The following FHIT variants were observed in gnomAD, a reference collection of about 807,000 sequenced individuals.
FHIT encodes bis(5'-adenosyl)-triphosphatase.
Under a neutral mutation model 17.9 loss-of-function variants are expected in FHIT, and 19 were observed. The observed-to-expected ratio is 1.06, with a 90% CI of 0.74 to 1.56. The LOEUF is 1.56. Ranked by LOEUF, FHIT falls within the 40% of genes most tolerant of loss-of-function variation. The pLI is 0.00. For synonymous variants in FHIT, 81 were observed against 69.7 expected (o/e 1.16, Z -0.81); for missense variants, 248 against 189.2 (o/e 1.31, Z -1.82).
At chr3:59,933,298 T>C (rs1224630166) in intron 7 of FHIT, among the ~76,000 whole-genome samples, 4 of 152,164 alleles carry the variant, frequency 2.6e-5, no homozygotes, top group Non-Finnish European at 5.9e-5. Context: ...GCCAAAAAGC[T>C]TTACTTACGT....
At chr3:60,667,277 C>G (rs1272520800) in intron 4 of FHIT, among the ~76,000 whole-genome samples, 1 of 151,796 alleles carries the variant, frequency 6.6e-6, no homozygotes. Flanking sequence ...TCTCTGGGGT[C>G]CTGTTCATTT....
intron 5 of FHIT, among the ~76,000 whole-genome samples, chr3:60,042,991 A>AG (rs1240802839): frequency 6.6e-6 from 1 of 152,162 alleles, no homozygotes; most frequent in Non-Finnish European, 1.5e-5. Context: ...TGGGCAACAG[A>AG]GGGAAAAAAA....
intron 3 of FHIT, among the ~76,000 whole-genome samples, chr3:60,890,478 G>C (rs1445380771): frequency 6.6e-6 from 1 of 152,148 alleles, no homozygotes; most frequent in African/African-American, 2.4e-5. Flanking sequence ...ATGAATCACT[G>C]TTGGTTTAAG....
At chr3:59,842,738 C>T (rs573784857) in intron 8 of FHIT, among the ~76,000 whole-genome samples, 16 of 152,114 alleles carry the variant, frequency 1.1e-4, no homozygotes, top group South Asian at 1.0e-3. Flanking sequence ...TAGTCCTTTG[C>T]GCATTTTTGA....
At chr3:60,888,503 G>GA (rs549967339) in intron 3 of FHIT, among the ~76,000 whole-genome samples, 173 of 145,886 alleles carry the variant, frequency 1.2e-3, no homozygotes, top group Admixed American at 9.5e-3. Flanking sequence ...TTCTTTCTAA[G>GA]AAAAAAAAAA....
chr3:60,876,890 A>C (rs1475925718), intron 3 of FHIT, among the ~76,000 whole-genome samples: 4 of 152,218 alleles, frequency 2.6e-5, no homozygotes, highest in African/African-American at 9.6e-5. Flanking sequence ...CAGGACAGCC[A>C]CAAAGAGAAT....
chr3:59,903,664 T>G (rs1019620469), intron 8 of FHIT, among the ~76,000 whole-genome samples: 2 of 152,062 alleles, frequency 1.3e-5, no homozygotes, highest in African/African-American at 4.8e-5. Flanking sequence ...CTGGAGTAGT[T>G]AGAAAAGCCC....
At chr3:60,773,615 T>G (rs1304230413) in intron 4 of FHIT, among the ~76,000 whole-genome samples, 3 of 152,260 alleles carry the variant, frequency 2.0e-5, no homozygotes, top group African/African-American at 7.2e-5. Flanking sequence ...AGACTTTGGT[T>G]GTAACTAGAG....
chr3:60,761,585 T>A (rs1699659384), intron 4 of FHIT, among the ~76,000 whole-genome samples: 1 of 151,850 alleles, frequency 6.6e-6, no homozygotes, highest in African/African-American at 2.4e-5. Context: ...ACATAGATGT[T>A]CTAATACAAA....
intron 5 of FHIT, among the ~76,000 whole-genome samples, chr3:60,048,974 C>T (rs1311980582): frequency 1.3e-5 from 2 of 152,166 alleles, no homozygotes; most frequent in African/African-American, 4.8e-5. Flanking sequence ...GTGTCTAGAA[C>T]TGAGTTGGGC....
chr3:60,619,748 T>A (rs1320204416), intron 4 of FHIT, among the ~76,000 whole-genome samples: 1 of 151,920 alleles, frequency 6.6e-6, no homozygotes, highest in Non-Finnish European at 1.5e-5. Context: ...GTTCAGCTGA[T>A]CTTGAGCATG....
chr3:60,435,349 T>C (rs953020157), intron 5 of FHIT, among the ~76,000 whole-genome samples: 6 of 152,150 alleles, frequency 3.9e-5, no homozygotes, highest in East Asian at 3.9e-4. Flanking sequence ...AATTCAGATA[T>C]GATGGCAAGG....
chr3:59,822,651 GT>G (rs372943787), intron 8 of FHIT, among the ~76,000 whole-genome samples: 8,328 of 151,870 alleles, frequency 0.055, 734 homozygotes, highest in African/African-American at 0.19. Flanking sequence ...GGGATTGTTT[GT>G]TTTTTTCTTG....
chr3:60,844,209 A>G (rs1559765680), intron 3 of FHIT, among the ~76,000 whole-genome samples: 1 of 152,214 alleles, frequency 6.6e-6, no homozygotes, highest in Non-Finnish European at 1.5e-5. Context: ...TGAGACAAAC[A>G]GGAGAAAAGT....
chr3:61,216,050 A>G (rs1333253372), intron 1 of FHIT, among the ~76,000 whole-genome samples: 2 of 152,052 alleles, frequency 1.3e-5, no homozygotes, highest in Non-Finnish European at 2.9e-5. Flanking sequence ...CTAGAAGAAA[A>G]CCTAGGCATT....
At chr3:60,941,255 A>T (rs2107417136) in intron 3 of FHIT, among the ~76,000 whole-genome samples, 1 of 152,158 alleles carries the variant, frequency 6.6e-6, no homozygotes, top group African/African-American at 2.4e-5. Context: ...ATTACTCCCA[A>T]ACTCTGCACC....
chr3:60,812,044 T>C (rs544469723), intron 4 of FHIT, among the ~76,000 whole-genome samples: 4 of 152,260 alleles, frequency 2.6e-5, no homozygotes, highest in South Asian at 4.1e-4. Flanking sequence ...TGATGTAAAA[T>C]TCTGCCCCAG....
chr3:60,511,585 G>T (rs962560529), intron 5 of FHIT, among the ~76,000 whole-genome samples: 3 of 152,058 alleles, frequency 2.0e-5, no homozygotes, highest in Admixed American at 6.5e-5. Context: ...CCATAGTGCT[G>T]GATTTTAATG....
At chr3:59,885,171 A>G (rs558246270) in intron 8 of FHIT, among the ~76,000 whole-genome samples, 10 of 152,356 alleles carry the variant, frequency 6.6e-5, no homozygotes, top group African/African-American at 2.4e-4. Context: ...ATCATTTGGT[A>G]GCACACAAAG....
Sources: gnomAD v4.1 joint callset for allele counts (sites outside exome capture counted in the v4.1 genomes callset) on GRCh38, gnomAD v4.1.1 for gene constraint, MANE v1.5 for transcripts, NCBI Gene and HGNC (gene_info 2026-07-23, HGNC 2026-07-21) for gene names.